SYNRG: variants seen among roughly 807,000 people sequenced by gnomAD.
SYNRG encodes the protein AP1 gamma subunit binding protein 1.
A neutral mutation model predicts 130.9 loss-of-function variants in SYNRG; 37 were observed. The ratio of observed to expected loss-of-function variants is 0.28; its 90% CI spans 0.22 to 0.37. The LOEUF (loss-of-function observed/expected upper bound fraction) is 0.37. Ranked by LOEUF, SYNRG falls within the 10% of genes least tolerant of loss-of-function variation. SYNRG has a pLI of 1.00. For synonymous variants in SYNRG, 539 were observed against 568.1 expected (o/e 0.95, Z 0.73); for missense variants, 1,338 against 1,588.9 (o/e 0.84, Z 2.68).
At chr17:37,551,691 G>A (rs373861289) in intron 14 of SYNRG, among the ~76,000 whole-genome samples, 4 of 151,794 alleles carry the variant, frequency 2.6e-5, no homozygotes, top group African/African-American at 9.7e-5. Flanking sequence ...AGTCCAAAAG[G>A]CTAGTATACA....
intron 13 of SYNRG, among the ~76,000 whole-genome samples, chr17:37,559,787 A>G (rs1394325242): frequency 6.6e-6 from 1 of 152,196 alleles, no homozygotes; most frequent in Non-Finnish European, 1.5e-5. Context: ...TACATTGTTG[A>G]GCAGTGTAAT....
intron 3 of SYNRG, among the ~76,000 whole-genome samples, chr17:37,591,529 G>T (rs573743187): frequency 1.4e-4 from 21 of 152,288 alleles, no homozygotes; most frequent in Admixed American, 2.6e-4. Flanking sequence ...AAAAGAAGAA[G>T]AATGTAGGAG....
At chr17:37,597,742 TA>T (rs2146939866) in intron 2 of SYNRG, among the ~76,000 whole-genome samples, 1 of 152,326 alleles carries the variant, frequency 6.6e-6, no homozygotes, top group African/African-American at 2.4e-5. Context: ...TAATAAATAC[TA>T]AATGCTTATT....
chr17:37,549,887 C>T (rs1332525783), intron 14 of SYNRG, among the ~76,000 whole-genome samples: 3 of 152,138 alleles, frequency 2.0e-5, no homozygotes, highest in East Asian at 1.9e-4. Context: ...CCACCGTGCC[C>T]GGATGAGTAC....
At position 37,605,506 on chromosome 17, in the gene SYNRG, A is replaced by G. The variant is rs149310418; in HGVS notation, c.77+3773T>C. Among the ~76,000 whole-genome samples, 21 of 152,362 alleles carry G rather than the reference A, an allele frequency of 1.4e-4. No homozygotes were observed. The East Asian group carries it at 4.0e-3, about 29-fold the overall frequency. ...GACAATCACATAGACATGAATACAT[A>G]AACAGATGTATAAAGGTTACTTTGA... On this transcript the variant is annotated intron_variant, in intron 1 of 21. Coordinates refer to ENST00000612223, the MANE Select transcript of SYNRG (RefSeq NM_007247.6).
chr17:37,575,857 A>G (rs1031816329), intron 8 of SYNRG, among the ~76,000 whole-genome samples: 1 of 151,616 alleles, frequency 6.6e-6, no homozygotes, highest in Admixed American at 6.6e-5. Context: ...AAAAAAAAAA[A>G]AAAGAGTAAA....
At chr17:37,577,306 T>C in intron 7 of SYNRG, 74 bp downstream of exon 7, 1 of 1,349,986 alleles carries the variant, frequency 7.4e-7, no homozygotes, top group African/African-American at 1.4e-5. Flanking sequence ...CATTTGAAGA[T>C]TAATGCTTAA....
chr17:37,588,943 T>C (rs1480435327), intron 3 of SYNRG, among the ~76,000 whole-genome samples: 6 of 152,190 alleles, frequency 3.9e-5, no homozygotes, highest in Non-Finnish European at 8.8e-5. Context: ...ATTTTGTGTT[T>C]CCCCTACACC....
At chr17:37,605,571 T>C (rs2063681526) in intron 1 of SYNRG, among the ~76,000 whole-genome samples, 1 of 152,240 alleles carries the variant, frequency 6.6e-6, no homozygotes, top group African/African-American at 2.4e-5. Flanking sequence ...CATGACTTTC[T>C]CTAGTAAGAA....
chr17:37,563,739 G>C (rs1188862463), intron 11 of SYNRG, among the ~76,000 whole-genome samples: 1 of 151,924 alleles, frequency 6.6e-6, no homozygotes, highest in African/African-American at 2.4e-5. Context: ...ATTTCCATAG[G>C]TTGTCCAGGA....
intron 16 of SYNRG, 65 bp from the exon 17 acceptor site, chr17:37,539,310 G>C (rs1012076631): frequency 6.5e-7 from 1 of 1,537,886 alleles, no homozygotes; most frequent in African/African-American, 1.4e-5. Context: ...TGATGACTCT[G>C]TCAATTCAAA....
At chr17:37,533,225 A>C (rs1005770470) in intron 19 of SYNRG, among the ~76,000 whole-genome samples, 2 of 152,074 alleles carry the variant, frequency 1.3e-5, no homozygotes, top group African/African-American at 4.8e-5. Context: ...AAATGGCGAG[A>C]CCCCGTCTCT....
chr17:37,539,071 C>A, intron 17 of SYNRG, 121 bp downstream of exon 17: 1 of 1,509,222 alleles, frequency 6.6e-7, no homozygotes. Context: ...TTACTCTTTG[C>A]CCAGGGACAT....
At chr17:37,551,873 T>C (rs1419264293) in intron 14 of SYNRG, among the ~76,000 whole-genome samples, 11 of 86,238 alleles carry the variant, frequency 1.3e-4, no homozygotes, top group African/African-American at 7.2e-4. Flanking sequence ...TGAGGAAAAG[T>C]ACAAAAAAAA....
At chr17:37,526,239 T>G (rs1183258868) in intron 19 of SYNRG, among the ~76,000 whole-genome samples, 2 of 152,192 alleles carry the variant, frequency 1.3e-5, no homozygotes, top group East Asian at 3.8e-4. Flanking sequence ...TTCCACATGG[T>G]GGAGGCTCTG....
intron 13 of SYNRG, 116 bp downstream of exon 13, chr17:37,561,079 A>C (rs921621388): frequency 1.2e-6 from 1 of 859,400 alleles, no homozygotes; most frequent in South Asian, 1.5e-5. Context: ...TTTTTCTCCT[A>C]AACACACAGA....
chr17:37,566,285 T>C (rs1257317600), intron 11 of SYNRG, among the ~76,000 whole-genome samples: 20 of 150,332 alleles, frequency 1.3e-4, no homozygotes, highest in Admixed American at 1.3e-3. Context: ...TTTTGTTCTG[T>C]ACTAAGAAAA....
At chr17:37,592,720 T>A (rs550925195) in intron 3 of SYNRG, among the ~76,000 whole-genome samples, 3 of 152,162 alleles carry the variant, frequency 2.0e-5, no homozygotes, top group African/African-American at 7.2e-5. Context: ...CACAAAATTA[T>A]AGAAATGGGG....
intron 1 of SYNRG, among the ~76,000 whole-genome samples, chr17:37,604,074 C>A (rs2063525370): frequency 6.6e-6 from 1 of 151,986 alleles, no homozygotes; most frequent in Admixed American, 6.6e-5. Flanking sequence ...AACCCTATTT[C>A]TACTAAAAAT....
Sources: gnomAD v4.1 joint callset for allele counts (sites outside exome capture counted in the v4.1 genomes callset) on GRCh38, gnomAD v4.1.1 for gene constraint, MANE v1.5 for transcripts, NCBI Gene and HGNC (gene_info 2026-07-23, HGNC 2026-07-21) for gene names.